LARP1B: variants seen among roughly 807,000 people sequenced by gnomAD.
LARP1B encodes the protein La ribonucleoprotein 1B.
Under a neutral mutation model 114.2 loss-of-function variants are expected in LARP1B, and 76 were observed. The ratio of observed to expected loss-of-function variants is 0.67; its 90% CI spans 0.55 to 0.81. The LOEUF is 0.81. Ranked by LOEUF, LARP1B falls within the 30% of genes least tolerant of loss-of-function variation. The pLI is 0.00. For missense variants in LARP1B, 1,014 were observed against 1,075.8 expected (o/e 0.94, Z 0.80); for synonymous variants, 345 against 348.0 (o/e 0.99, Z 0.10).
chr4:128,165,377 C>T (rs1295801183), intron 12 of LARP1B, among the ~76,000 whole-genome samples: 1 of 151,214 alleles, frequency 6.6e-6, no homozygotes, highest in African/African-American at 2.4e-5. Flanking sequence ...TAGAATTTGA[C>T]CAATATATTG....
intron 9 of LARP1B, among the ~76,000 whole-genome samples, chr4:128,109,059 G>A (rs76476699): frequency 0.018 from 2,761 of 152,214 alleles, 87 homozygotes; most frequent in African/African-American, 0.063. Flanking sequence ...TAGGAAGATG[G>A]AGGGTTCTTA....
At chr4:128,115,465 G>GCT (rs1162443109) in intron 10 of LARP1B, among the ~76,000 whole-genome samples, 2 of 152,124 alleles carry the variant, frequency 1.3e-5, no homozygotes, top group Non-Finnish European at 2.9e-5. Context: ...CAGCTACTCA[G>GCT]GAGGCTGAGA....
At chr4:128,140,228 G>A (rs1727409335) in intron 11 of LARP1B, among the ~76,000 whole-genome samples, 1 of 152,164 alleles carries the variant, frequency 6.6e-6, no homozygotes, top group Admixed American at 6.5e-5. Context: ...TTCACCAGGA[G>A]CAGTATGTAA....
chr4:128,097,883 T>G lies in LARP1B; in HGVS notation c.669-303T>G, dbSNP rs560702440. Among the ~76,000 whole-genome samples, 12 of 152,246 alleles carry G rather than the reference T, an allele frequency of 7.9e-5. No homozygotes were observed. The South Asian group carries it at 2.5e-3, about 32-fold the overall frequency. On this transcript the variant is annotated intron_variant, in intron 7 of 19. Transcript: ENST00000326639. ...CATCTAATTAACTCATTAAAAAAAA[T>G]TATTGAACTATTTTAAGGTAAAATG...
At chr4:128,118,891 T>C (rs1786928658) in intron 10 of LARP1B, among the ~76,000 whole-genome samples, 1 of 151,624 alleles carries the variant, frequency 6.6e-6, no homozygotes, top group Non-Finnish European at 1.5e-5. Flanking sequence ...CTTTTTTTTT[T>C]TTTGAGACAG....
At chr4:128,068,880 T>G in intron 1 of LARP1B, 1 of 427,436 alleles carries the variant, frequency 2.3e-6, no homozygotes, top group South Asian at 3.2e-5. Context: ...TTATTGCACT[T>G]TAACTTTTCT....
At chr4:128,205,224 A>G (rs893190004) in intron 17 of LARP1B, among the ~76,000 whole-genome samples, 2 of 152,236 alleles carry the variant, frequency 1.3e-5, no homozygotes, top group African/African-American at 2.4e-5. Context: ...GAGACACACA[A>G]TCACATACCC....
chr4:128,194,207 G>A (rs1753251986), intron 15 of LARP1B, among the ~76,000 whole-genome samples: 2 of 151,884 alleles, frequency 1.3e-5, no homozygotes, highest in Admixed American at 6.6e-5. Context: ...TAAGTAGCTG[G>A]GATTACAGGT....
intron 9 of LARP1B, among the ~76,000 whole-genome samples, chr4:128,112,830 A>G (rs1415171148): frequency 1.3e-5 from 2 of 152,100 alleles, no homozygotes; most frequent in African/African-American, 4.8e-5. Flanking sequence ...GAAACAATAT[A>G]TAGTCTTTTA....
At chr4:128,086,478 A>C (rs1449174948) in intron 5 of LARP1B, among the ~76,000 whole-genome samples, 1 of 152,034 alleles carries the variant, frequency 6.6e-6, no homozygotes, top group Non-Finnish European at 1.5e-5. Flanking sequence ...ACAGGCATGC[A>C]CAACAGTACC....
intron 1 of LARP1B, among the ~76,000 whole-genome samples, chr4:128,072,150 C>A (rs908306019): frequency 6.6e-6 from 1 of 152,006 alleles, no homozygotes; most frequent in Admixed American, 6.6e-5. Context: ...CAGGCACCCG[C>A]TGCTATGCCT....
rs1320961046 is a variant in LARP1B, at chr4:128,211,686, T to C, written c.*1633T>C. 1 of 985,194 alleles carries C rather than the reference T, an allele frequency of 1.0e-6. No individual in the cohort carries two copies. The highest frequency in any genetic ancestry group is 1.2e-6 in the Non-Finnish European group (1 of 829,806). 61.0% of individuals were successfully genotyped at this position (985,194 alleles called of 1,614,324 possible). On this transcript the variant is annotated 3_prime_UTR_variant, in exon 20 of 20. Coordinates refer to ENST00000326639, the MANE Select transcript of LARP1B (RefSeq NM_018078.4). ...GTGAGAAATTTCCAAACCGTGCTTA[T>C]TAGCTTTAAATGGTCTCTTGAAATG...
At chr4:128,083,450 C>T (rs1427794825) in intron 5 of LARP1B, among the ~76,000 whole-genome samples, 1 of 145,852 alleles carries the variant, frequency 6.9e-6, no homozygotes, top group East Asian at 2.1e-4. Context: ...AGGGGGCTGA[C>T]CCCCCCCACC....
chr4:128,124,656 A>G lies in LARP1B; in HGVS notation c.1524+2468A>G, dbSNP rs138070854. On this transcript the variant is annotated intron_variant, in intron 11 of 19. Transcript: ENST00000326639. Reference sequence around the variant, plus strand: ...CTCTGGTTGTTTTGGCACAGAATGGATTGTACAGGGACAAGAGTGGGCAGA... The same window carrying G: ...CTCTGGTTGTTTTGGCACAGAATGGGTTGTACAGGGACAAGAGTGGGCAGA... 1.1e-4 allele frequency among the ~76,000 whole-genome samples: 16 copies of G among 152,300 alleles called. No individual in the cohort carries two copies. The East Asian group carries it at 2.3e-3, about 22-fold the overall frequency.
chr4:128,094,124 A>G lies in LARP1B; in HGVS notation c.668+2612A>G, dbSNP rs113612069. Among the ~76,000 whole-genome samples the G allele has an allele frequency of 8.6e-4, 130 of 151,514 alleles. 1 individual carries two copies. Among genetic ancestry groups the G allele is most frequent in the Middle Eastern group, 3.4e-3 (1 of 292 alleles). On this transcript the variant is annotated intron_variant, in intron 7 of 19. Coordinates refer to ENST00000326639, the MANE Select transcript of LARP1B (RefSeq NM_018078.4). ...GTATTTTTATTAGAGACAAGGTTTC[A>G]CCACGTTGGTCAGGCTGGTCTCGAA...
Position 128,200,598 on chromosome 4 carries a change from C to T in LARP1B, c.2242C>T (p.His748Tyr), listed in dbSNP as rs371480626. The change falls in exon 17 of 20, where the codon CAC (histidine) becomes TAC (tyrosine). Residue 748 changes from histidine (H) to tyrosine (Y), a missense_variant. By Grantham distance (83) the His-to-Tyr change is moderately conservative. Transcript: ENST00000326639. ...FRFWSFFLRD[H>Y]FNKKMYEEFR... is the part of the protein sequence containing the mutation. ...TTTCTGGTCCTTTTTCCTCAGAGAT[C>T]ACTTCAATAAAAAAATGTATGAGGA... The T allele has an allele frequency of 1.3e-5, 21 of 1,594,502 alleles. No homozygotes were observed. Among genetic ancestry groups the T allele is most frequent in the South Asian group, 2.3e-5 (2 of 86,646 alleles).
chr4:128,121,422 C>T (rs1350105776), intron 10 of LARP1B, among the ~76,000 whole-genome samples: 4 of 152,204 alleles, frequency 2.6e-5, no homozygotes, highest in South Asian at 2.1e-4. Flanking sequence ...CAGGTTCAAA[C>T]GATTCTCCTG....
chr4:128,065,317 C>CTTTCTT (rs781646479), intron 1 of LARP1B, among the ~76,000 whole-genome samples: 336 of 76,864 alleles, frequency 4.4e-3, no homozygotes, highest in African/African-American at 7.3e-3. Context: ...TTCTTTCTTT[C>CTTTCTT]TCTCTCTCTC....
At chr4:128,161,735 C>T (rs1158338602) in intron 11 of LARP1B, among the ~76,000 whole-genome samples, 1 of 152,124 alleles carries the variant, frequency 6.6e-6, no homozygotes, top group Non-Finnish European at 1.5e-5. Context: ...TTTGTCCCAT[C>T]TCTCCTGTGA....
Sources: allele counts gnomAD v4.1 joint callset (sites outside exome capture counted in the v4.1 genomes callset), GRCh38; gene constraint gnomAD v4.1.1; transcripts MANE v1.5; gene names NCBI Gene and HGNC (gene_info 2026-07-23, HGNC 2026-07-21).